CSMD1: variants seen among roughly 807,000 people sequenced by gnomAD.
The protein encoded by CSMD1 is CUB and sushi domain-containing protein 1.
CSMD1 carries 213 observed loss-of-function variants against 417.5 expected under a neutral mutation model. The ratio of observed to expected loss-of-function variants is 0.51; its 90% CI spans 0.46 to 0.57. The LOEUF is 0.57. Among genes scored for constraint, CSMD1 ranks in the 20% least tolerant of loss-of-function variants. The pLI is 0.00. For missense variants in CSMD1, 6,923 were observed against 4,529.7 expected, an observed-to-expected ratio of 1.53 and a Z score of -15.17; for synonymous variants, 2,862 against 1,736.8, an observed-to-expected ratio of 1.65 and a Z score of -16.11.
chr8:4,218,484 G>T (rs73496602), intron 3 of CSMD1, among the ~76,000 whole-genome samples: 2 of 152,098 alleles, frequency 1.3e-5, no homozygotes, highest in African/African-American at 4.8e-5. Context: ...TCCACTTGCT[G>T]TATGATCTTT....
At chr8:3,188,009 C>T in intron 35 of CSMD1, 44 bp from the exon 36 acceptor site, 1 of 1,498,686 alleles carries the variant, frequency 6.7e-7, no homozygotes, top group South Asian at 1.2e-5. Flanking sequence ...TTTGGCTTAA[C>T]ACAATTAGTC....
chr8:4,941,815 T>A (rs1445564245), intron 1 of CSMD1, among the ~76,000 whole-genome samples: 5 of 152,210 alleles, frequency 3.3e-5, no homozygotes, highest in African/African-American at 1.2e-4. Context: ...CCCAGGATGG[T>A]CTTGAACTCC....
At chr8:3,301,303 C>A (rs1308999021) in intron 25 of CSMD1, among the ~76,000 whole-genome samples, 1 of 151,914 alleles carries the variant, frequency 6.6e-6, no homozygotes, top group Non-Finnish European at 1.5e-5. Context: ...AGCGAAGGAA[C>A]CAGGTGGTGG....
intron 5 of CSMD1, among the ~76,000 whole-genome samples, chr8:3,967,547 G>C (rs983716223): frequency 6.6e-6 from 1 of 152,080 alleles, no homozygotes; most frequent in Admixed American, 6.5e-5. Context: ...AATGAAGCAT[G>C]AGTGAGTTCA....
chr8:3,413,036 A>C (rs1453304119), intron 12 of CSMD1, among the ~76,000 whole-genome samples: 3 of 152,260 alleles, frequency 2.0e-5, no homozygotes, highest in African/African-American at 7.2e-5. Flanking sequence ...CACTGTGATC[A>C]ATTTAGTCTC....
Position 3,237,533 on chromosome 8 carries a change from T to A in CSMD1, c.4154-7302A>T, listed in dbSNP as rs1026754803. Among the ~76,000 whole-genome samples the A allele has an allele frequency of 3.4e-5, 5 of 146,630 alleles. No homozygotes were observed. The Admixed American group carries it at 3.4e-4, about 10-fold the overall frequency. On this transcript the variant is annotated intron_variant, in intron 26 of 69. Coordinates refer to ENST00000635120, the MANE Select transcript of CSMD1 (RefSeq NM_033225.6). ...TATTTTTATATTAAATATTATATATTTATATATTATATAAATAACACAACT... is the reference window on the plus strand; with the variant it reads ...TATTTTTATATTAAATATTATATATATATATATTATATAAATAACACAACT...
intron 10 of CSMD1, among the ~76,000 whole-genome samples, chr8:3,538,313 T>A (rs186904909): frequency 3.2e-4 from 48 of 152,282 alleles, no homozygotes; most frequent in Non-Finnish European, 6.6e-4. Context: ...ATGGTACACG[T>A]GCGATGCCTC....
Position 3,014,254 on chromosome 8 carries a change from C to CAA in CSMD1, c.8029+4221_8029+4222dup, listed in dbSNP as rs143882023. On this transcript the variant is annotated intron_variant, in intron 52 of 69. Transcript: ENST00000635120. ...ATATCCATCTCATAACAATATTAAA[C>CAA]AAAAAAAAATGGATGCAAACTCACA... Among the ~76,000 whole-genome samples, 268 of 150,276 alleles carry CAA rather than the reference C, an allele frequency of 1.8e-3. 2 individuals are homozygous for CAA. The highest frequency in any genetic ancestry group is 6.3e-3 in the African/African-American group (259 of 41,022).
chr8:3,083,695 T>G (rs1814315953), intron 49 of CSMD1, among the ~76,000 whole-genome samples: 1 of 123,900 alleles, frequency 8.1e-6, no homozygotes, highest in Non-Finnish European at 1.6e-5. Context: ...TCATTCTGTC[T>G]CCCAGGCTGG....
chr8:3,700,903 T>A lies in CSMD1; in HGVS notation c.1009+7511A>T, dbSNP rs529881674. Among the ~76,000 whole-genome samples, 16 of 152,128 alleles carry A rather than the reference T, an allele frequency of 1.1e-4. No individual in the cohort carries two copies. In the South Asian group the frequency reaches 2.1e-3, roughly 20 times the overall value. ...GAGGAAGGATGTGGTTCTACTGATA[T>A]TTCACCCAGATCCTTCTGATTGCAG... On this transcript the variant is annotated intron_variant, in intron 7 of 69. Coordinates refer to ENST00000635120, the MANE Select transcript of CSMD1 (RefSeq NM_033225.6).
intron 5 of CSMD1, among the ~76,000 whole-genome samples, chr8:3,797,073 A>T (rs975009927): frequency 1.3e-5 from 2 of 151,952 alleles, no homozygotes; most frequent in Admixed American, 1.3e-4. Flanking sequence ...TCACTTATTA[A>T]GATGGACTTC....
chr8:3,266,906 G>T (rs1801475646), intron 26 of CSMD1, among the ~76,000 whole-genome samples: 1 of 152,066 alleles, frequency 6.6e-6, no homozygotes, highest in Admixed American at 6.6e-5. Flanking sequence ...CTGGGTTGTG[G>T]AATAACTTAG....
intron 1 of CSMD1, among the ~76,000 whole-genome samples, chr8:4,695,217 G>C (rs1043672566): frequency 1.3e-5 from 2 of 151,910 alleles, no homozygotes; most frequent in Non-Finnish European, 1.5e-5. Context: ...CCTATGGAAA[G>C]CTTGCCTGTC....
chr8:3,865,085 G>C lies in CSMD1; in HGVS notation c.819-111043C>G, dbSNP rs188567423. ...GGCATATGCCAACAGTGTTACTTTG[G>C]TAACAATACTCCACACACTATTCTG... On this transcript the variant is annotated intron_variant, in intron 5 of 69. Coordinates refer to ENST00000635120, the MANE Select transcript of CSMD1 (RefSeq NM_033225.6). Among the ~76,000 whole-genome samples, 28 of 152,192 alleles carry C rather than the reference G, an allele frequency of 1.8e-4. No homozygotes were observed. The East Asian group carries it at 5.2e-3, about 28-fold the overall frequency.
At chr8:4,032,692 G>C (rs1797409897) in intron 3 of CSMD1, among the ~76,000 whole-genome samples, 1 of 152,288 alleles carries the variant, frequency 6.6e-6, no homozygotes, top group Admixed American at 6.5e-5. Context: ...CAGGCCAGCA[G>C]CCAGGCTCTG....
intron 1 of CSMD1, among the ~76,000 whole-genome samples, chr8:4,879,714 G>A (rs985460635): frequency 6.6e-6 from 1 of 151,996 alleles, no homozygotes; most frequent in African/African-American, 2.4e-5. Context: ...GAAAAAAAGT[G>A]CTATTAGAAA....
intron 12 of CSMD1, among the ~76,000 whole-genome samples, chr8:3,435,400 C>G (rs1021085953): frequency 2.6e-5 from 4 of 152,164 alleles, no homozygotes; most frequent in East Asian, 1.9e-4. Context: ...CTGGAGACCT[C>G]ATAGAAATGC....
intron 7 of CSMD1, among the ~76,000 whole-genome samples, chr8:3,705,874 G>A (rs543199047): frequency 6.6e-6 from 1 of 152,144 alleles, no homozygotes; most frequent in African/African-American, 2.4e-5. Flanking sequence ...TCCACTGAAG[G>A]CACCAGCACT....
chr8:3,005,457 G>A (rs909214776), intron 52 of CSMD1, among the ~76,000 whole-genome samples: 6 of 152,112 alleles, frequency 3.9e-5, no homozygotes, highest in Admixed American at 2.6e-4. Flanking sequence ...AAGCTGGGCA[G>A]AAACACAACC....
Sources: gnomAD v4.1 joint callset for allele counts (sites outside exome capture counted in the v4.1 genomes callset) on GRCh38, gnomAD v4.1.1 for gene constraint, MANE v1.5 for transcripts, NCBI Gene and HGNC (gene_info 2026-07-23, HGNC 2026-07-21) for gene names.